INTS7: variants seen among roughly 807,000 people sequenced by gnomAD.
INTS7 encodes the protein chromosome 1 open reading frame 73.
Under a neutral mutation model 109.2 loss-of-function variants are expected in INTS7, and 46 were observed. The ratio of observed to expected loss-of-function variants is 0.42; its 90% CI spans 0.33 to 0.54. The LOEUF is 0.54. Ranked by LOEUF, INTS7 falls within the 20% of genes least tolerant of loss-of-function variation. INTS7 has a pLI of 0.07. For missense variants in INTS7, 929 were observed against 1,132.4 expected (o/e 0.82, Z 2.58); for synonymous variants, 412 against 402.9 (o/e 1.02, Z -0.27).
chr1:211,987,894 A>C lies in INTS7; in HGVS notation c.989T>G (p.Ile330Arg). Residue 330 changes from isoleucine to arginine, a missense_variant, in exon 8 of 20, where the codon ATA (isoleucine) becomes AGA (arginine). By Grantham distance (97) the Ile-to-Arg change is moderately conservative. Coordinates refer to ENST00000366994, the MANE Select transcript of INTS7 (RefSeq NM_015434.4). ...GTIAIKHYFS[I>R]VPGNVSSSPR... The stretch of plus-strand genomic sequence containing the variant: ...TCCTGTCTTTTCCTTACCTGGAACT[A>C]TACTGAAGTAATGTTTGATGGCGAT... 6.4e-7 allele frequency: 1 copy of C among 1,557,674 alleles called. No homozygotes were observed. Among genetic ancestry groups the C allele is most frequent in the Non-Finnish European group, 8.9e-7 (1 of 1,129,456 alleles).
chr1:211,987,832 ATGGATAAAGGAGT>A (rs1414826575), intron 8 of INTS7, 41 bp downstream of exon 8: 6 of 998,428 alleles, frequency 6.0e-6, no homozygotes, highest in African/African-American at 5.0e-5. Context: ...AAACATAAAT[ATGGATAAAGGAGT>A]TAGCACATTA....
At chr1:212,024,684 A>G (rs1666846516) in intron 1 of INTS7, among the ~76,000 whole-genome samples, 1 of 152,220 alleles carries the variant, frequency 6.6e-6, no homozygotes, top group Non-Finnish European at 1.5e-5. Flanking sequence ...CTCAGCAATA[A>G]AAAAGGAACC....
At chr1:211,950,563 C>T (rs1220019134) in intron 17 of INTS7, among the ~76,000 whole-genome samples, 1 of 152,184 alleles carries the variant, frequency 6.6e-6, no homozygotes, top group Non-Finnish European at 1.5e-5. Context: ...TGAGCCACTG[C>T]GCCCGACCGG....
In INTS7 at chr1:211,940,740, C is replaced by T. The variant is rs1267671819; in HGVS notation, c.*1084G>A. The T allele has an allele frequency of 6.6e-6, 1 of 152,184 alleles. No homozygotes were observed. Among genetic ancestry groups the T allele is most frequent in the East Asian group, 1.9e-4 (1 of 5,196 alleles). 9.4% of individuals were successfully genotyped at this position (152,184 alleles called of 1,614,324 possible). ...TAATAAAGAGACTGCTCTCTCTAAACAATCAGTCTAGCATAACTCATCAAG... is the reference window on the plus strand; with the variant it reads ...TAATAAAGAGACTGCTCTCTCTAAATAATCAGTCTAGCATAACTCATCAAG... On this transcript the variant is annotated 3_prime_UTR_variant, in exon 20 of 20. Coordinates refer to ENST00000366994, the MANE Select transcript of INTS7 (RefSeq NM_015434.4).
chr1:211,998,120 A>G (rs1051185748), intron 7 of INTS7, among the ~76,000 whole-genome samples: 1 of 152,162 alleles, frequency 6.6e-6, no homozygotes, highest in Non-Finnish European at 1.5e-5. Flanking sequence ...CACTATGCCT[A>G]GCTGATTTTT....
At chr1:212,019,493 G>C (rs1355289021) in intron 3 of INTS7, among the ~76,000 whole-genome samples, 1 of 152,112 alleles carries the variant, frequency 6.6e-6, no homozygotes, top group Non-Finnish European at 1.5e-5. Flanking sequence ...GTCTGGGCAG[G>C]CTAGGTCAGA....
chr1:211,951,295 TTTTG>T (rs756625415), intron 17 of INTS7, among the ~76,000 whole-genome samples: 12 of 151,914 alleles, frequency 7.9e-5, no homozygotes, highest in Non-Finnish European at 8.8e-5. Flanking sequence ...TGAGTGTTTT[TTTTG>T]TTTGTTTGTT....
intron 15 of INTS7, among the ~76,000 whole-genome samples, chr1:211,967,108 C>T (rs1663921465): frequency 6.6e-6 from 1 of 152,122 alleles, no homozygotes; most frequent in South Asian, 2.1e-4. Flanking sequence ...TCTATTCCTT[C>T]CTTTCAAAAG....
chr1:212,014,665 C>G (rs1420254219), intron 4 of INTS7, among the ~76,000 whole-genome samples: 2 of 151,644 alleles, frequency 1.3e-5, no homozygotes, highest in African/African-American at 4.9e-5. Context: ...CCTGCCTCAG[C>G]CTGCCAAGTG....
rs189077732 is a variant in INTS7, at chr1:211,988,657, G to C, written c.880-654C>G. 4.7e-3 allele frequency among the ~76,000 whole-genome samples: 718 copies of C among 152,250 alleles called. 5 individuals carry two copies. The highest frequency in any genetic ancestry group is 0.016 in the African/African-American group (677 of 41,550). ...ACATGTCAATAATAGGGGAAATGGT[G>C]GGGGAATGTGGGAACCCTGTGTACT... On this transcript the variant is annotated intron_variant, in intron 7 of 19. Transcript: ENST00000366994.
At chr1:211,973,285 ATAAATAGGTATTGTTT>A (rs1664260866) in intron 13 of INTS7, among the ~76,000 whole-genome samples, 1 of 152,246 alleles carries the variant, frequency 6.6e-6, no homozygotes, top group African/African-American at 2.4e-5. Flanking sequence ...CTGTGAAATA[ATAAATAGGTATTGTTT>A]TAAGCCACTA....
chr1:211,941,162 C>T lies in INTS7; in HGVS notation c.*662G>A, dbSNP rs139565960. The T allele has an allele frequency of 2.4e-4, 37 of 152,416 alleles. No homozygotes were observed. The highest frequency in any genetic ancestry group is 8.4e-4 in the African/African-American group (35 of 41,528). 9.4% of individuals were successfully genotyped at this position (152,416 alleles called of 1,614,324 possible). A position where few individuals can be genotyped will look rare whatever the true frequency, so the allele number is the denominator to read the frequency against. On this transcript the variant is annotated 3_prime_UTR_variant, in exon 20 of 20. Coordinates refer to ENST00000366994, the MANE Select transcript of INTS7 (RefSeq NM_015434.4). The stretch of plus-strand genomic sequence containing the variant: ...CCTTGTAGTGACTGGTCAGAACCTC[C>T]CAATGAACAACTCAGAATCCTAGGT...
intron 1 of INTS7, among the ~76,000 whole-genome samples, chr1:212,034,258 TTG>T (rs1667313025): frequency 6.6e-6 from 1 of 152,172 alleles, no homozygotes; most frequent in South Asian, 2.1e-4. Flanking sequence ...TGTGAAATTT[TTG>T]TGTTTATCAA....
Position 211,987,934 on chromosome 1 carries a change from T to C in INTS7, c.949A>G (p.Thr317Ala). 1.2e-6 allele frequency: 2 copies of C among 1,612,602 alleles called. No individual in the cohort carries two copies. Among genetic ancestry groups the C allele is most frequent in the Non-Finnish European group, 8.5e-7 (1 of 1,178,794 alleles). Residue 317 changes from threonine (T) to alanine (A), a missense_variant, in exon 8 of 20, where the codon ACA (threonine) becomes GCA (alanine). Thr to Ala is a moderately conservative substitution (Grantham distance 58, BLOSUM62 0). Transcript: ENST00000366994. Reference protein sequence around the residue: ...LKLGMLSVLSTLSGTIAIKHY... With the variant: ...LKLGMLSVLSALSGTIAIKHY... ...TTGATGGCGATGGTCCCTGATAGTG[T>C]GGAAAGGACAGACAACATCCCTAGT...
chr1:211,971,208 G>T (rs1429421854), intron 13 of INTS7, among the ~76,000 whole-genome samples: 1 of 152,158 alleles, frequency 6.6e-6, no homozygotes, highest in Non-Finnish European at 1.5e-5. Context: ...AGTAACAACT[G>T]GGCAAGTGGT....
At position 211,941,633 on chromosome 1, in the gene INTS7, C is replaced by T. The variant is rs1370072216; in HGVS notation, c.*191G>A. The T allele has an allele frequency of 2.4e-5, 17 of 718,556 alleles. No homozygotes were observed. The highest frequency in any genetic ancestry group is 3.0e-5 in the Admixed American group (1 of 33,230). 44.5% of individuals were successfully genotyped at this position (718,556 alleles called of 1,614,324 possible). ...CCTCCCAAAGTGCTGGGATTACAGG[C>T]GTGAGCAACCACGCCCAGCTGTCAG... On this transcript the variant is annotated 3_prime_UTR_variant, in exon 20 of 20. Transcript: ENST00000366994.
chr1:212,025,963 C>T (rs1490666306), intron 1 of INTS7, among the ~76,000 whole-genome samples: 1 of 152,130 alleles, frequency 6.6e-6, no homozygotes, highest in Non-Finnish European at 1.5e-5. Flanking sequence ...CAAGACCAGC[C>T]TGGGCAACAT....
At chr1:211,980,025 G>T (rs1664587537) in intron 10 of INTS7, among the ~76,000 whole-genome samples, 1 of 152,098 alleles carries the variant, frequency 6.6e-6, no homozygotes, top group East Asian at 1.9e-4. Flanking sequence ...GGCCATCTAT[G>T]TATGTCCCAC....
In INTS7 at chr1:211,942,081, C is replaced by T; in HGVS notation, c.2632G>A (p.Glu878Lys). 1 of 1,614,114 alleles carries T rather than the reference C, an allele frequency of 6.2e-7. No homozygotes were observed. Among genetic ancestry groups the T allele is most frequent in the Non-Finnish European group, 8.5e-7 (1 of 1,179,970 alleles). ...TCATTATGAGGTTCAACCCTTTGCT[C>T]CATCTCATTGGTCATGTTGTCAATG... ...IPIDNMTNEM[E>K]QRVEPHNDYF... Residue 878 changes from glutamate to lysine, a missense_variant, in exon 20 of 20, where the codon GAG becomes AAG. Transcript: ENST00000366994. This position sits in a 1 kb window ranked among gnomAD's most constrained non-coding sequence, Gnocchi z 4.2.
Sources: gnomAD v4.1 joint callset for allele counts (sites outside exome capture counted in the v4.1 genomes callset) on GRCh38, gnomAD v4.1.1 for gene constraint, Gnocchi (gnomAD v3.1) non-coding constraint, MANE v1.5 for transcripts, NCBI Gene and HGNC (gene_info 2026-07-23, HGNC 2026-07-21) for gene names.